Variants in UPK1A observed in about 807,000 individuals in gnomAD.
UPK1A encodes the protein uroplakin-1a.
In UPK1A, 31 loss-of-function variants were observed where a neutral mutation model predicts 32.3. The ratio of observed to expected loss-of-function variants is 0.96; its 90% CI spans 0.72 to 1.30. UPK1A has a LOEUF of 1.30. Ranked by LOEUF, UPK1A falls within the 50% of genes most tolerant of loss-of-function variation. The probability of loss-of-function intolerance (pLI) is 0.00; values close to 1 mark genes in which losing one functional copy is unlikely to be tolerated. For missense variants in UPK1A, 340 were observed against 357.4 expected (o/e 0.95, Z 0.39); for synonymous variants, 135 against 137.1 (o/e 0.98, Z 0.11).
chr19:35,668,416 G>A (rs372785290), intron 2 of UPK1A, 38 bp from the exon 3 acceptor site: 1,040 of 1,612,124 alleles, frequency 6.5e-4, no homozygotes, highest in Admixed American at 1.1e-3. Flanking sequence ...AGGGCTGCTG[G>A]CCCCGAGCAG....
At chr19:35,669,717 T>C (rs1304254347) in intron 3 of UPK1A, among the ~76,000 whole-genome samples, 1 of 152,028 alleles carries the variant, frequency 6.6e-6, no homozygotes, top group Admixed American at 6.6e-5. Context: ...CCAGAAGCCC[T>C]TCACAGCTAG....
chr19:35,666,740 G>GT, intron 1 of UPK1A, 69 bp from the exon 2 acceptor site: 1 of 1,501,176 alleles, frequency 6.7e-7, no homozygotes, highest in South Asian at 1.1e-5. Context: ...AAGCCAGGGT[G>GT]TGGCTCAGAG....
rs35399814 is a variant in UPK1A at position 35,675,911 on chromosome 19, G to A, written c.540G>A (p.Pro180=). The change falls in exon 6 of 8, where the codon CCG becomes CCA. Residue 180 remains proline (P), a synonymous_variant. Coordinates refer to ENST00000617999, the Ensembl canonical transcript of UPK1A. Reference sequence around the variant, plus strand: ...CGTCAGCCTTCCGGGCGGCCACTCCGGAGGTGGTGTTCCCCTGGCCCCCAC... The same window carrying A: ...CGTCAGCCTTCCGGGCGGCCACTCCAGAGGTGGTGTTCCCCTGGCCCCCAC... The A allele has an allele frequency of 3.0e-3, 4,829 of 1,613,958 alleles. 131 individuals are homozygous for A. In the African/African-American group the frequency reaches 0.054, roughly 18 times the overall value.
chr19:35,668,654 G>T, exon 3 of UPK1A: 1 of 1,611,478 alleles, frequency 6.2e-7, no homozygotes, highest in Non-Finnish European at 8.5e-7. Flanking sequence ...TGGTCCTCAC[G>T]GTGAGACTCC....
rs573090922 is a variant in UPK1A, at chr19:35,673,227, C to G, written c.286-5C>G. On this transcript the variant is annotated splice_region_variant and splice_polypyrimidine_tract_variant and intron_variant, in intron 3 of 7. Transcript: ENST00000617999. ...CGACGGGCCGTCCTCCCTCTGTCTC[C>G]CCAGTACCTGGTGCTCATGCTCATC... The G allele has an allele frequency of 2.5e-6, 4 of 1,614,054 alleles. No homozygotes were observed. Among genetic ancestry groups the G allele is most frequent in the East Asian group, 4.5e-5 (2 of 44,872 alleles).
intron 3 of UPK1A, among the ~76,000 whole-genome samples, chr19:35,669,163 C>T (rs1001322872): frequency 1.3e-5 from 2 of 152,120 alleles, no homozygotes; most frequent in African/African-American, 4.8e-5. Flanking sequence ...ATACTGTCAT[C>T]ATCATGACCC....
chr19:35,669,499 TAAAAAAAAAAAA>T (rs34854874), intron 3 of UPK1A, among the ~76,000 whole-genome samples: 5 of 116,304 alleles, frequency 4.3e-5, no homozygotes, highest in Middle Eastern at 4.3e-3. Context: ...ATCCCATCTC[TAAAAAAAAAAAA>T]AAAAAAAAAA....
chr19:35,678,115 C>A, exon 8 of UPK1A: 1 of 1,401,614 alleles, frequency 7.1e-7, no homozygotes, highest in Non-Finnish European at 9.6e-7. Context: ...CACCTCTCAC[C>A]TCCCAACGTC....
chr19:35,667,150 C>T lies in UPK1A; in HGVS notation c.84+254C>T, dbSNP rs1599628021. 2.6e-5 allele frequency among the ~76,000 whole-genome samples: 4 copies of T among 152,116 alleles called. No individual in the cohort carries two copies. In the South Asian group the frequency reaches 8.3e-4, roughly 32 times the overall value. ...GTGGGCTGTTGTCATGTGGATTAAT[C>T]CATGTGTGGCCCTCAGCTCAGAGAA... On this transcript the variant is annotated intron_variant, in intron 2 of 7. Transcript: ENST00000617999.
At chr19:35,675,957 A>C in exon 6 of UPK1A, 2 of 1,613,806 alleles carry the variant, frequency 1.2e-6, no homozygotes, top group Non-Finnish European at 8.5e-7. Flanking sequence ...CCGGACGGGA[A>C]ACTTCATCCC....
intron 5 of UPK1A, among the ~76,000 whole-genome samples, chr19:35,674,907 T>C (rs1229073268): frequency 6.6e-6 from 1 of 151,870 alleles, no homozygotes; most frequent in African/African-American, 2.4e-5. Context: ...TCAGGTGTAG[T>C]AGTGTGCGCC....
At chr19:35,673,389 C>T (rs1191874131) in intron 4 of UPK1A, 49 bp from the exon 5 acceptor site, 1 of 1,610,540 alleles carries the variant, frequency 6.2e-7, no homozygotes, top group East Asian at 2.2e-5. Context: ...AGGTCGTCCT[C>T]TCTCCCCACC....
rs768256456 is a variant in UPK1A, at chr19:35,675,913, AGGTGGTGTTCCCCT to A, written c.545_558del (p.Val182AlafsTer125). 3.3e-5 allele frequency: 53 copies of A among 1,613,934 alleles called. No homozygotes were observed. The highest frequency in any genetic ancestry group is 3.9e-5 in the Non-Finnish European group (46 of 1,180,008). On this transcript the variant is annotated frameshift_variant, in exon 6 of 8. Transcript: ENST00000617999. LOFTEE classifies it high-confidence loss of function. ...TCAGCCTTCCGGGCGGCCACTCCGGAGGTGGTGTTCCCCTGGCCCCCACTGTGCTGTCGCCGGAC... is the reference window on the plus strand; with the variant it reads ...TCAGCCTTCCGGGCGGCCACTCCGGAGGCCCCCACTGTGCTGTCGCCGGAC...
At chr19:35,673,459 A>T (rs1452259897) in exon 5 of UPK1A, 1 of 1,613,634 alleles carries the variant, frequency 6.2e-7, no homozygotes, top group Non-Finnish European at 8.5e-7. Context: ...CCCATCCCTG[A>T]TCACCAAGCA....
intron 5 of UPK1A, 120 bp from the exon 6 acceptor site, chr19:35,675,720 T>C: frequency 8.5e-7 from 1 of 1,181,802 alleles, no homozygotes; most frequent in Non-Finnish European, 1.2e-6. Flanking sequence ...GCCCAGGACA[T>C]GGGGAAGTTG....
chr19:35,674,241 C>CTTTTTTTTTTTTTTTTTTTTTT (rs35857173), intron 5 of UPK1A, among the ~76,000 whole-genome samples: 1 of 98,982 alleles, frequency 1.0e-5, no homozygotes, highest in Non-Finnish European at 2.0e-5. Flanking sequence ...TTCTTTTTAT[C>CTTTTTTTTTTTTTTTTTTTTTT]TTTTTTTTTT....
intron 5 of UPK1A, among the ~76,000 whole-genome samples, chr19:35,674,971 G>C (rs1968159028): frequency 1.3e-5 from 2 of 151,642 alleles, no homozygotes; most frequent in African/African-American, 4.8e-5. Context: ...GAACCCAGGA[G>C]GGGGAGGTTG....
At chr19:35,677,753 C>T (rs530702488) in intron 6 of UPK1A, 59 bp from the exon 7 acceptor site, 14 of 1,599,990 alleles carry the variant, frequency 8.8e-6, no homozygotes, top group South Asian at 6.7e-5. Context: ...CAGTGACTCT[C>T]GCTTTCAGCG....
intron 3 of UPK1A, among the ~76,000 whole-genome samples, 194 bp downstream of exon 3, chr19:35,668,848 CTTTT>C (rs147337402): frequency 7.1e-6 from 1 of 140,714 alleles, no homozygotes; most frequent in Non-Finnish European, 1.5e-5. Context: ...GGGATTTTTT[CTTTT>C]TTTTTTTTTT....
Sources: allele counts gnomAD v4.1 joint callset (sites outside exome capture counted in the v4.1 genomes callset), GRCh38; gene constraint gnomAD v4.1.1; transcripts MANE v1.5; gene names NCBI Gene and HGNC (gene_info 2026-07-23, HGNC 2026-07-21).